The following ANKRD30BL variants were observed in gnomAD, a reference collection of about 807,000 sequenced individuals.
ANKRD30BL encodes the protein ankyrin repeat domain 30B like, also known as putative ankyrin repeat domain-containing protein 30B-like.
In ANKRD30BL, 20 loss-of-function variants were observed where a neutral mutation model predicts 18.4. The observed-to-expected ratio is 1.09, with a 90% CI of 0.77 to 1.58. ANKRD30BL has a LOEUF of 1.58. ANKRD30BL is among the 40% of genes most tolerant of loss of function. ANKRD30BL has a pLI of 0.00. For synonymous variants in ANKRD30BL, 72 were observed against 100.9 expected, an observed-to-expected ratio of 0.71 and a Z score of 1.72; for missense variants, 224 against 268.6, an observed-to-expected ratio of 0.83 and a Z score of 1.16.
At chr2:132,182,310 G>A (rs1230407645) in intron 1 of ANKRD30BL, among the ~76,000 whole-genome samples, 32 of 151,044 alleles carry the variant, frequency 2.1e-4, no homozygotes, top group Admixed American at 6.6e-4. Flanking sequence ...GTGAAACCCC[G>A]TCTCTACTAA....
At chr2:132,200,997 T>C (rs2104747336) in intron 1 of ANKRD30BL, among the ~76,000 whole-genome samples, 1 of 152,266 alleles carries the variant, frequency 6.6e-6, no homozygotes, top group African/African-American at 2.4e-5. Flanking sequence ...GCCACATATC[T>C]ACAACTATCT....
chr2:132,218,979 T>C (rs1254580459), intron 1 of ANKRD30BL, among the ~76,000 whole-genome samples: 1 of 152,086 alleles, frequency 6.6e-6, no homozygotes, highest in Non-Finnish European at 1.5e-5. Flanking sequence ...TATCTTCACA[T>C]AAACACCAGA....
Position 132,231,492 on chromosome 2 carries a change from C to T in ANKRD30BL, n.441+26037G>A, listed in dbSNP as rs564847838. Among the ~76,000 whole-genome samples, 212 of 152,286 alleles carry T rather than the reference C, an allele frequency of 1.4e-3. 2 individuals are homozygous for T. The highest frequency in any genetic ancestry group is 4.5e-3 in the African/African-American group (186 of 41,568). The stretch of plus-strand genomic sequence containing the variant: ...GGTCAGTGGGTGCACGCACCGTGCA[C>T]GAGCTGAAGCAGGGCGATGCATTGC... On this transcript the variant is annotated intron_variant and non_coding_transcript_variant, in intron 1 of 4. Coordinates refer to the ANKRD30BL transcript ENST00000470729.
chr2:132,231,974 G>A (rs1288115071), intron 1 of ANKRD30BL, among the ~76,000 whole-genome samples: 1 of 152,308 alleles, frequency 6.6e-6, no homozygotes, highest in East Asian at 1.9e-4. Context: ...CTCCCAGCAT[G>A]CAGCTGGAGA....
intron 1 of ANKRD30BL, among the ~76,000 whole-genome samples, chr2:132,230,583 T>G (rs1299214681): frequency 1.3e-5 from 2 of 152,004 alleles, no homozygotes; most frequent in African/African-American, 4.8e-5. Context: ...AGCACTGTTT[T>G]TGGACAATCT....
Position 132,147,780 on chromosome 2 carries a change from A to G in ANKRD30BL, c.*351T>C, listed in dbSNP as rs375139863. On this transcript the variant is annotated 3_prime_UTR_variant, in exon 6 of 6. Transcript: ENST00000409867. Reference sequence around the variant, plus strand: ...AAGCCAATTCAGATTGGCTATTTAAAGAGGGCAGGGGTATGAGCTGGAGTG... The same window carrying G: ...AAGCCAATTCAGATTGGCTATTTAAGGAGGGCAGGGGTATGAGCTGGAGTG... 19 of 267,684 alleles carry G rather than the reference A, an allele frequency of 7.1e-5. No individual in the cohort carries two copies. Among genetic ancestry groups the G allele is most frequent in the Admixed American group, 6.5e-4 (15 of 23,114 alleles). The allele number at this position is 267,684 out of a possible 1,614,324, so 16.6% of individuals were successfully genotyped here. A position where few individuals can be genotyped will look rare whatever the true frequency, so the allele number is the denominator to read the frequency against.
chr2:132,245,265 A>T (rs1280686600), intron 1 of ANKRD30BL, among the ~76,000 whole-genome samples: 1 of 152,264 alleles, frequency 6.6e-6, no homozygotes, highest in Non-Finnish European at 1.5e-5. Context: ...TGTAAACGGG[A>T]ATATCTTCAC....
intron 1 of ANKRD30BL, among the ~76,000 whole-genome samples, chr2:132,199,152 C>A (rs1187857834): frequency 1.3e-5 from 2 of 151,992 alleles, no homozygotes; most frequent in Admixed American, 6.6e-5. Flanking sequence ...GAGACATAGA[C>A]CATTTTGGCC....
chr2:132,232,503 G>A (rs528848263), intron 1 of ANKRD30BL, among the ~76,000 whole-genome samples: 3 of 152,258 alleles, frequency 2.0e-5, no homozygotes, highest in East Asian at 3.9e-4. Context: ...AGCTGATGGA[G>A]CTGAAAACCA....
chr2:132,220,934 C>T (rs1198425984), intron 1 of ANKRD30BL, among the ~76,000 whole-genome samples: 11 of 151,700 alleles, frequency 7.3e-5, no homozygotes, highest in East Asian at 2.0e-4. Context: ...TCTTCCCGGC[C>T]GCCATCCCAT....
chr2:132,201,115 C>T (rs1444194028), intron 1 of ANKRD30BL, among the ~76,000 whole-genome samples: 1 of 152,016 alleles, frequency 6.6e-6, no homozygotes. Context: ...AAACTGGATC[C>T]CTTCCTTACA....
chr2:132,245,730 G>T (rs78525945), intron 1 of ANKRD30BL, among the ~76,000 whole-genome samples: 1 of 11,786 alleles, frequency 8.5e-5, no homozygotes, highest in Non-Finnish European at 2.4e-4. Flanking sequence ...TTTTTTTGTA[G>T]AATCTGCAAG....
At chr2:132,226,425 A>T (rs375386422) in intron 1 of ANKRD30BL, among the ~76,000 whole-genome samples, 1 of 146,582 alleles carries the variant, frequency 6.8e-6, no homozygotes, top group East Asian at 2.0e-4. Context: ...CAGAGTTGAA[A>T]CTTCCTTTTG....
At chr2:132,245,502 C>A (rs1350350321) in intron 1 of ANKRD30BL, among the ~76,000 whole-genome samples, 2 of 152,268 alleles carry the variant, frequency 1.3e-5, no homozygotes, top group South Asian at 4.1e-4. Context: ...TTGCAATCAA[C>A]TCACAGAGTT....
chr2:132,150,267 T>G (rs1276542879), intron 5 of ANKRD30BL, among the ~76,000 whole-genome samples: 1 of 151,982 alleles, frequency 6.6e-6, no homozygotes, highest in African/African-American at 2.4e-5. Context: ...AATTAACAAA[T>G]AAACATTTTA....
chr2:132,201,012 T>C (rs1679087259), intron 1 of ANKRD30BL, among the ~76,000 whole-genome samples: 1 of 152,178 alleles, frequency 6.6e-6, no homozygotes, highest in Non-Finnish European at 1.5e-5. Flanking sequence ...CTATCTGATC[T>C]TTGACAAACC....
chr2:132,232,980 G>T (rs190529616), intron 1 of ANKRD30BL, among the ~76,000 whole-genome samples: 1 of 152,110 alleles, frequency 6.6e-6, no homozygotes, highest in Non-Finnish European at 1.5e-5. Flanking sequence ...GACTAACAGC[G>T]GATCTCTTGG....
intron 1 of ANKRD30BL, among the ~76,000 whole-genome samples, chr2:132,234,629 T>A (rs1156606744): frequency 6.6e-6 from 1 of 152,050 alleles, no homozygotes. Context: ...CTCCCAAGAC[T>A]AAAACAGGAA....
chr2:132,176,649 G>A (rs1192062064), intron 1 of ANKRD30BL, among the ~76,000 whole-genome samples: 1 of 152,112 alleles, frequency 6.6e-6, no homozygotes, highest in Admixed American at 6.5e-5. Flanking sequence ...AAAAAGCCGT[G>A]TGTGGCTGGT....
Sources: gnomAD v4.1 joint callset for allele counts (sites outside exome capture counted in the v4.1 genomes callset) on GRCh38, gnomAD v4.1.1 for gene constraint, MANE v1.5 for transcripts, NCBI Gene and HGNC (gene_info 2026-07-23, HGNC 2026-07-21) for gene names.